The following DAB1 variants were observed in gnomAD, a reference collection of about 807,000 sequenced individuals.
DAB1 encodes the protein disabled homolog 1.
In DAB1, 15 loss-of-function variants were observed where a neutral mutation model predicts 64.6. That is an observed-to-expected ratio of 0.23 (90% CI 0.16 to 0.36). DAB1 has a LOEUF of 0.36. DAB1 is among the 10% of genes least tolerant of loss of function. The pLI, the probability that DAB1 is intolerant of heterozygous loss-of-function variation, is 1.00. For missense variants in DAB1, 596 were observed against 706.7 expected (o/e 0.84, Z 1.78); for synonymous variants, 235 against 251.9 (o/e 0.93, Z 0.64).
At chr1:58,107,717 A>G (rs573579642) in intron 5 of DAB1, among the ~76,000 whole-genome samples, 1 of 152,008 alleles carries the variant, frequency 6.6e-6, no homozygotes, top group South Asian at 2.1e-4. Context: ...CCCGGGTTCA[A>G]GTGATTCTCC....
At chr1:58,051,045 G>T (rs1463430541) in intron 5 of DAB1, among the ~76,000 whole-genome samples, 2 of 151,978 alleles carry the variant, frequency 1.3e-5, no homozygotes, top group Non-Finnish European at 2.9e-5. Context: ...ATAAAGAGAA[G>T]AAATTTTTTT....
At chr1:57,729,737 C>T (rs556162123) in intron 6 of DAB1, among the ~76,000 whole-genome samples, 1 of 152,218 alleles carries the variant, frequency 6.6e-6, no homozygotes, top group Non-Finnish European at 1.5e-5. Flanking sequence ...ACAGTGAGGG[C>T]AACATCTGTT....
chr1:58,275,402 G>A (rs1025727121), intron 4 of DAB1, among the ~76,000 whole-genome samples: 6 of 152,066 alleles, frequency 3.9e-5, no homozygotes, highest in Non-Finnish European at 8.8e-5. Flanking sequence ...AAACTTTTGG[G>A]AGAAAGTATT....
intron 7 of DAB1, among the ~76,000 whole-genome samples, chr1:57,438,151 C>T (rs1407308553): frequency 6.6e-6 from 1 of 152,122 alleles, no homozygotes; most frequent in African/African-American, 2.4e-5. Flanking sequence ...GAGGCACAAG[C>T]CCTTTAGTTC....
At chr1:57,391,430 A>G (rs1179745880) in intron 1 of DAB1, among the ~76,000 whole-genome samples, 1 of 152,196 alleles carries the variant, frequency 6.6e-6, no homozygotes, top group East Asian at 1.9e-4. Context: ...CAATTGAGTC[A>G]TGTTAACCTC....
intron 1 of DAB1, among the ~76,000 whole-genome samples, chr1:57,847,734 T>C (rs980826345): frequency 1.3e-5 from 2 of 152,118 alleles, no homozygotes; most frequent in Non-Finnish European, 1.5e-5. Flanking sequence ...GAAAAACTCT[T>C]AGAAATGTAA....
At chr1:57,079,804 T>C (rs942233075) in intron 4 of DAB1, among the ~76,000 whole-genome samples, 1 of 152,154 alleles carries the variant, frequency 6.6e-6, no homozygotes, top group South Asian at 2.1e-4. Context: ...AGATGTCTCT[T>C]CTCTTTGCAA....
At chr1:57,198,848 A>G (rs1206962052) in intron 2 of DAB1, among the ~76,000 whole-genome samples, 1 of 152,186 alleles carries the variant, frequency 6.6e-6, no homozygotes, top group Non-Finnish European at 1.5e-5. Flanking sequence ...AGCATAGCAC[A>G]TTAGGAAAAT....
intron 11 of DAB1, among the ~76,000 whole-genome samples, chr1:57,017,281 C>T (rs139852538): frequency 6.6e-6 from 1 of 152,200 alleles, no homozygotes; most frequent in African/African-American, 2.4e-5. Flanking sequence ...CAAAACTAGC[C>T]TTTCCATGGC....
chr1:57,418,711 C>G (rs12071132), intron 1 of DAB1, among the ~76,000 whole-genome samples: 24,568 of 152,020 alleles, frequency 0.16, 2,223 homozygotes, highest in African/African-American at 0.24. Flanking sequence ...GAGACTCCCC[C>G]ACTGGCATTG....
intron 4 of DAB1, among the ~76,000 whole-genome samples, chr1:58,253,467 G>A (rs1660851732): frequency 6.6e-6 from 1 of 152,218 alleles, no homozygotes; most frequent in South Asian, 2.1e-4. Flanking sequence ...GTCACTGAAT[G>A]TGGAATTAAG....
intron 6 of DAB1, among the ~76,000 whole-genome samples, chr1:57,802,430 G>A (rs1651170346): frequency 6.6e-6 from 1 of 152,200 alleles, no homozygotes; most frequent in African/African-American, 2.4e-5. Flanking sequence ...AAAGGGGAAG[G>A]AGTGGACAGA....
At chr1:58,076,578 T>C (rs1232184011) in intron 5 of DAB1, among the ~76,000 whole-genome samples, 1 of 152,196 alleles carries the variant, frequency 6.6e-6, no homozygotes, top group East Asian at 1.9e-4. Context: ...GCAGGAGATG[T>C]TCTCAGAGTT....
chr1:57,890,315 G>A (rs1287756937), intron 5 of DAB1, among the ~76,000 whole-genome samples: 1 of 152,066 alleles, frequency 6.6e-6, no homozygotes, highest in East Asian at 1.9e-4. Context: ...TGGATAAATT[G>A]AGAAAAGAGA....
At chr1:58,097,584 C>T (rs1185080971) in intron 5 of DAB1, among the ~76,000 whole-genome samples, 3 of 151,646 alleles carry the variant, frequency 2.0e-5, no homozygotes, top group Admixed American at 6.6e-5. Flanking sequence ...AGTAGGAGTT[C>T]ATCAGGTAAA....
chr1:57,187,547 A>G (rs577488798), intron 2 of DAB1, among the ~76,000 whole-genome samples: 1 of 152,338 alleles, frequency 6.6e-6, no homozygotes, highest in East Asian at 1.9e-4. Flanking sequence ...GCAGGTGGCT[A>G]CTGCTCTGAC....
intron 6 of DAB1, among the ~76,000 whole-genome samples, chr1:57,728,585 C>T (rs71642135): frequency 0.07 from 10,604 of 151,408 alleles, 510 homozygotes; most frequent in Non-Finnish European, 0.11. Flanking sequence ...CAGAGCAAGA[C>T]TCCGTCTCAA....
chr1:57,459,402 C>A (rs1268519355), intron 7 of DAB1, among the ~76,000 whole-genome samples: 1 of 152,130 alleles, frequency 6.6e-6, no homozygotes, highest in Non-Finnish European at 1.5e-5. Flanking sequence ...CACCTTTGCA[C>A]TCAGCTCTGT....
intron 5 of DAB1, chr1:58,056,385 C>T (rs1427977297): frequency 6.3e-7 from 1 of 1,579,854 alleles, no homozygotes; most frequent in Non-Finnish European, 8.6e-7. Context: ...TGGCCTTGTC[C>T]TTGGGCACGC....
Sources: allele counts gnomAD v4.1 joint callset (sites outside exome capture counted in the v4.1 genomes callset), GRCh38; gene constraint gnomAD v4.1.1; transcripts MANE v1.5; gene names NCBI Gene and HGNC (gene_info 2026-07-23, HGNC 2026-07-21).